The following LAMA2 variants were observed in gnomAD, a reference collection of about 807,000 sequenced individuals.
LAMA2 encodes the protein laminin subunit alpha-2.
Under a neutral mutation model 364.8 loss-of-function variants are expected in LAMA2, and 269 were observed. The ratio of observed to expected loss-of-function variants is 0.74; its 90% CI spans 0.67 to 0.82. The LOEUF (loss-of-function observed/expected upper bound fraction) is 0.82, where lower values mean the gene tolerates loss of function less well. LAMA2 is among the 40% of genes least tolerant of loss of function. LAMA2 has a pLI of 0.00. For missense variants in LAMA2, 3,807 were observed against 3,873.2 expected, an observed-to-expected ratio of 0.98 and a Z score of 0.45; for synonymous variants, 1,379 against 1,370.6, an observed-to-expected ratio of 1.01 and a Z score of -0.14.
At chr6:129,428,302 C>T (rs903603663) in intron 41 of LAMA2, among the ~76,000 whole-genome samples, 5 of 152,002 alleles carry the variant, frequency 3.3e-5, no homozygotes, top group African/African-American at 7.3e-5. Flanking sequence ...GGTGTAGCAG[C>T]GTGAGCACAT....
At chr6:128,912,866 A>G (rs903357676) in intron 1 of LAMA2, among the ~76,000 whole-genome samples, 2 of 152,180 alleles carry the variant, frequency 1.3e-5, no homozygotes. Flanking sequence ...ATTTGGACTG[A>G]GTTTTGAACA....
intron 3 of LAMA2, among the ~76,000 whole-genome samples, chr6:129,097,756 A>C (rs374608238): frequency 1.3e-5 from 2 of 152,356 alleles, no homozygotes; most frequent in South Asian, 2.1e-4. Flanking sequence ...ATGTGATATA[A>C]GTAAACAAGT....
chr6:128,939,038 AC>A lies in LAMA2; in HGVS notation c.112+55684del, dbSNP rs199852325. Among the ~76,000 whole-genome samples the A allele has an allele frequency of 6.7e-3, 1,022 of 152,196 alleles. 12 individuals are homozygous for A. The highest frequency in any genetic ancestry group is 0.024 in the African/African-American group (988 of 41,516). On this transcript the variant is annotated intron_variant, in intron 1 of 64. Coordinates refer to ENST00000421865, the MANE Select transcript of LAMA2 (RefSeq NM_000426.4). The stretch of plus-strand genomic sequence containing the variant: ...CTTATTTGGAACAGTTATTCAGCTT[AC>A]CCTAAGTCCAGAGTGAATTTCCAAA...
rs751515837 is a variant in LAMA2, at chr6:129,316,022, C to A, written c.3925-16C>A. On this transcript the variant is annotated splice_polypyrimidine_tract_variant and intron_variant, in intron 26 of 64. Transcript: ENST00000421865. ...GCATTCAGTTTTGTCATAGTGATTTCTCTTCTTGTTAACAGAAAGAATGGA... is the reference window on the plus strand; with the variant it reads ...GCATTCAGTTTTGTCATAGTGATTTATCTTCTTGTTAACAGAAAGAATGGA... The A allele has an allele frequency of 1.9e-6, 3 of 1,614,032 alleles. No homozygotes were observed. The highest frequency in any genetic ancestry group is 2.5e-6 in the Non-Finnish European group (3 of 1,179,964).
At chr6:129,512,292 T>C (rs1304013782) in intron 62 of LAMA2, 71 bp from the exon 63 acceptor site, 3 of 1,396,172 alleles carry the variant, frequency 2.1e-6, no homozygotes, top group East Asian at 4.6e-5. Context: ...TAAAAAGTCA[T>C]GCATTGTACA....
At chr6:129,439,540 T>C (rs1261074752) in intron 42 of LAMA2, among the ~76,000 whole-genome samples, 2 of 152,094 alleles carry the variant, frequency 1.3e-5, no homozygotes, top group Non-Finnish European at 2.9e-5. Flanking sequence ...TAAAATTCAA[T>C]TTCTTTAACT....
intron 55 of LAMA2, among the ~76,000 whole-genome samples, chr6:129,485,933 T>C (rs1784563769): frequency 6.6e-6 from 1 of 152,196 alleles, no homozygotes; most frequent in Non-Finnish European, 1.5e-5. Flanking sequence ...CTGGTTGCTA[T>C]AGTAACAGTA....
At chr6:129,421,641 C>T (rs1781080302) in intron 40 of LAMA2, among the ~76,000 whole-genome samples, 1 of 152,138 alleles carries the variant, frequency 6.6e-6, no homozygotes, top group African/African-American at 2.4e-5. Context: ...CGGTGCTTTT[C>T]ACCCATAACA....
At chr6:129,019,703 G>T (rs944632685) in intron 1 of LAMA2, among the ~76,000 whole-genome samples, 1 of 151,884 alleles carries the variant, frequency 6.6e-6, no homozygotes, top group African/African-American at 2.4e-5. Flanking sequence ...GACTATTTAC[G>T]CAACAATCTA....
chr6:129,105,358 T>A (rs546448474), intron 4 of LAMA2, among the ~76,000 whole-genome samples: 7 of 152,266 alleles, frequency 4.6e-5, no homozygotes, highest in African/African-American at 1.7e-4. Context: ...GAGAACTGCT[T>A]ACAAGAACTG....
intron 32 of LAMA2, among the ~76,000 whole-genome samples, chr6:129,361,278 C>A (rs559827604): frequency 6.6e-6 from 1 of 152,264 alleles, no homozygotes; most frequent in East Asian, 1.9e-4. Flanking sequence ...CTTCATAATT[C>A]CTAATAAAAT....
intron 4 of LAMA2, among the ~76,000 whole-genome samples, chr6:129,113,921 G>A (rs1776310496): frequency 6.6e-6 from 1 of 152,010 alleles, no homozygotes; most frequent in Non-Finnish European, 1.5e-5. Flanking sequence ...ATCCCTATCA[G>A]TGGAAAATAG....
intron 32 of LAMA2, 111 bp downstream of exon 32, chr6:129,353,468 T>A: frequency 1.3e-6 from 1 of 788,456 alleles, no homozygotes; most frequent in Non-Finnish European, 2.1e-6. Context: ...TTTTTTGCAA[T>A]AGTTATACTC....
intron 40 of LAMA2, among the ~76,000 whole-genome samples, chr6:129,404,905 C>G (rs894784609): frequency 2.6e-5 from 4 of 151,992 alleles, no homozygotes; most frequent in African/African-American, 9.7e-5. Context: ...TTAGCAGGTT[C>G]ATTTTGTGAT....
chr6:129,312,866 T>C lies in LAMA2; in HGVS notation c.3180T>C (p.Cys1060=). ...GHSITTGCKA[C]NCSTVGSLDF... is the part of the protein sequence containing the mutation. ...TGTTTTTATCTCCTCTATAGGCTTG[T>C]AACTGCAGCACAGTGGGATCCTTGG... The change falls in exon 23 of 65, where the codon TGT becomes TGC. Residue 1060 remains cysteine, a synonymous_variant. Coordinates refer to ENST00000421865, the MANE Select transcript of LAMA2 (RefSeq NM_000426.4). 6.2e-7 allele frequency: 1 copy of C among 1,612,580 alleles called. No homozygotes were observed. The highest frequency in any genetic ancestry group is 8.5e-7 in the Non-Finnish European group (1 of 1,178,594).
Position 129,157,049 on chromosome 6 carries a change from A to G in LAMA2, c.1206+2366A>G, listed in dbSNP as rs142413413. Among the ~76,000 whole-genome samples the G allele has an allele frequency of 4.4e-3, 671 of 152,336 alleles. 5 individuals carry two copies. The highest frequency in any genetic ancestry group is 0.016 in the African/African-American group (653 of 41,566). ...GACAAACTATCATAAACTAAGCAGT[A>G]TCCCAAACACATCATCATCTATAGG... On this transcript the variant is annotated intron_variant, in intron 8 of 64. Coordinates refer to ENST00000421865, the MANE Select transcript of LAMA2 (RefSeq NM_000426.4).
At chr6:129,514,101 TTCTGAAAGCAGAATTATTA>T (rs1383078387) in intron 63 of LAMA2, among the ~76,000 whole-genome samples, 15 of 152,184 alleles carry the variant, frequency 9.9e-5, no homozygotes, top group African/African-American at 3.4e-4. Context: ...CCTCAAATTT[TTCTGAAAGCAGAATTATTA>T]CCAGCTTTAC....
At chr6:129,417,924 G>T (rs1209836683) in intron 40 of LAMA2, among the ~76,000 whole-genome samples, 2 of 152,180 alleles carry the variant, frequency 1.3e-5, no homozygotes, top group African/African-American at 4.8e-5. Flanking sequence ...GCCTGTAGGG[G>T]AAGAGAGGTG....
In LAMA2 at chr6:129,300,799, C is replaced by A. The variant is rs1285574963; in HGVS notation, c.3101C>A (p.Pro1034His). 1.9e-6 allele frequency: 3 copies of A among 1,613,298 alleles called. No homozygotes were observed. In the South Asian group the frequency reaches 3.3e-5, roughly 18 times the overall value. ...DPKTGRCICP[P>H]NTIGEKCSKC... ...AAGACTGGGCGATGCATTTGCCCTC[C>A]CAATACCATTGGAGAGAAATGTTCT... Residue 1034 changes from proline to histidine, a missense_variant, in exon 22 of 65, where the codon CCC becomes CAC. Transcript: ENST00000421865.
Sources: gnomAD v4.1 joint callset for allele counts (sites outside exome capture counted in the v4.1 genomes callset) on GRCh38, gnomAD v4.1.1 for gene constraint, MANE v1.5 for transcripts, NCBI Gene and HGNC (gene_info 2026-07-23, HGNC 2026-07-21) for gene names.